The following RETREG1 variants were observed in gnomAD, a reference collection of about 807,000 sequenced individuals.
RETREG1 encodes reticulophagy regulator 1.
In RETREG1, 44 loss-of-function variants were observed where a neutral mutation model predicts 54.8. The ratio of observed to expected loss-of-function variants is 0.80; its 90% CI spans 0.63 to 1.03. RETREG1 has a LOEUF of 1.03. Among genes scored for constraint, RETREG1 ranks in the 50% least tolerant of loss-of-function variants. RETREG1 has a pLI of 0.00. For missense variants in RETREG1, 554 were observed against 605.1 expected, an observed-to-expected ratio of 0.92 and a Z score of 0.89; for synonymous variants, 217 against 238.5, an observed-to-expected ratio of 0.91 and a Z score of 0.83.
rs114689850 is a variant in RETREG1, at chr5:16,606,612, A to T, written c.320+10040T>A. Reference sequence around the variant, plus strand: ...TTAAGGTCACTACCAGGCACTCCTCATCTAGCCCATAGCCTAAGTCATCTA... The same window carrying T: ...TTAAGGTCACTACCAGGCACTCCTCTTCTAGCCCATAGCCTAAGTCATCTA... On this transcript the variant is annotated intron_variant, in intron 1 of 8. Coordinates refer to ENST00000306320, the MANE Select transcript of RETREG1 (RefSeq NM_001034850.3). Among the ~76,000 whole-genome samples the T allele has an allele frequency of 3.5e-3, 527 of 151,876 alleles. 2 individuals are homozygous for T. The highest frequency in any genetic ancestry group is 0.012 in the African/African-American group (508 of 41,334).
In RETREG1 at chr5:16,573,712, T is replaced by A. The variant is rs1337575086; in HGVS notation, c.321-1610A>T. On this transcript the variant is annotated intron_variant, in intron 1 of 8. Coordinates refer to ENST00000306320, the MANE Select transcript of RETREG1 (RefSeq NM_001034850.3). ...AAAGCAGGGAATGGTTTTTTTTTTTTAATTGGTTTTTTGGGTTTGTTTGTT... is the reference window on the plus strand; with the variant it reads ...AAAGCAGGGAATGGTTTTTTTTTTTAAATTGGTTTTTTGGGTTTGTTTGTT... 6.4e-4 allele frequency among the ~76,000 whole-genome samples: 87 copies of A among 135,604 alleles called. 1 individual carries two copies. The highest frequency in any genetic ancestry group is 3.9e-3 in the Middle Eastern group (1 of 254). The allele number at this position is 135,604 out of a possible 152,430, so 89.0% of individuals were successfully genotyped here. A position where few individuals can be genotyped will look rare whatever the true frequency, so the allele number is the denominator to read the frequency against.
At chr5:16,528,538 T>G (rs1372260718) in intron 3 of RETREG1, among the ~76,000 whole-genome samples, 1 of 152,046 alleles carries the variant, frequency 6.6e-6, no homozygotes, top group Non-Finnish European at 1.5e-5. Flanking sequence ...AAAGAAAGAT[T>G]AGGGGGCCAA....
chr5:16,526,555 G>T (rs1345221718), intron 3 of RETREG1, among the ~76,000 whole-genome samples: 1 of 152,196 alleles, frequency 6.6e-6, no homozygotes, highest in Non-Finnish European at 1.5e-5. Context: ...GTAGGGTCTG[G>T]AACTTAATAA....
chr5:16,600,531 G>A (rs1423208655), intron 1 of RETREG1, among the ~76,000 whole-genome samples: 5 of 152,200 alleles, frequency 3.3e-5, no homozygotes, highest in South Asian at 2.1e-4. Flanking sequence ...GGACCCCCAC[G>A]TGTTCATCAT....
chr5:16,477,884 A>G, intron 7 of RETREG1, 96 bp from the exon 8 acceptor site: 1 of 1,502,258 alleles, frequency 6.7e-7, no homozygotes. Context: ...ACAGAGTAAT[A>G]AAAACCAAAT....
intron 3 of RETREG1, among the ~76,000 whole-genome samples, chr5:16,518,808 T>C (rs1740440977): frequency 6.6e-6 from 1 of 152,050 alleles, no homozygotes; most frequent in Admixed American, 6.6e-5. Flanking sequence ...AGAAAGAAAA[T>C]TGAAGCAAAC....
chr5:16,508,204 C>T (rs1315289932), intron 3 of RETREG1, among the ~76,000 whole-genome samples: 1 of 152,168 alleles, frequency 6.6e-6, no homozygotes, highest in Non-Finnish European at 1.5e-5. Flanking sequence ...CTTTAAAATG[C>T]AATAGGTTTT....
chr5:16,563,837 G>A (rs1741937203), intron 3 of RETREG1, among the ~76,000 whole-genome samples: 1 of 151,906 alleles, frequency 6.6e-6, no homozygotes, highest in Non-Finnish European at 1.5e-5. Flanking sequence ...AACCTTACTT[G>A]TTGGGTTAAT....
intron 3 of RETREG1, among the ~76,000 whole-genome samples, chr5:16,491,689 C>A (rs1475245809): frequency 1.3e-5 from 2 of 152,050 alleles, no homozygotes; most frequent in African/African-American, 4.8e-5. Context: ...TTTGTTCTTT[C>A]TTGCAAATGG....
rs1296661370 is a variant in RETREG1, at chr5:16,616,918, G to T, written c.54C>A (p.Ala18=). ...GCGACGGCGGCGCCTGCTCCTCGGC[G>T]GCAGGAGCCGGGCATCCCTCCTCGG... ...EHAEEGCPAP[A]AEEQAPPSPP... The change falls in exon 1 of 9, where the codon GCC becomes GCA. Residue 18 remains alanine, a synonymous_variant. Transcript: ENST00000306320. The T allele has an allele frequency of 2.0e-6, 3 of 1,477,198 alleles. No homozygotes were observed. The highest frequency in any genetic ancestry group is 2.3e-5 in the Admixed American group (1 of 43,058). The allele number at this position is 1,477,198 out of a possible 1,614,324, so 91.5% of individuals were successfully genotyped here.
At chr5:16,573,742 G>GTTTTTTTT (rs34651832) in intron 1 of RETREG1, among the ~76,000 whole-genome samples, 14 of 126,534 alleles carry the variant, frequency 1.1e-4, no homozygotes, top group African/African-American at 2.9e-4. Flanking sequence ...TTTGTTTTTT[G>GTTTTTTTT]TTTTTTTTTT....
chr5:16,527,342 A>G (rs1193032678), intron 3 of RETREG1, among the ~76,000 whole-genome samples: 3 of 152,162 alleles, frequency 2.0e-5, no homozygotes, highest in Non-Finnish European at 4.4e-5. Flanking sequence ...TGCAATTGAA[A>G]TTTCACCTTA....
At chr5:16,502,627 C>T (rs1739762685) in intron 3 of RETREG1, among the ~76,000 whole-genome samples, 1 of 152,214 alleles carries the variant, frequency 6.6e-6, no homozygotes, top group African/African-American at 2.4e-5. Flanking sequence ...AACTAGAAGA[C>T]AGTATAACAG....
chr5:16,616,431 C>T (rs939295877), intron 1 of RETREG1: 1 of 796,582 alleles, frequency 1.3e-6, no homozygotes, highest in Non-Finnish European at 1.8e-6. Flanking sequence ...GAGGCTGGAT[C>T]CGCACACGGA....
At chr5:16,537,604 A>C (rs1422955374) in intron 3 of RETREG1, among the ~76,000 whole-genome samples, 1 of 152,226 alleles carries the variant, frequency 6.6e-6, no homozygotes, top group Non-Finnish European at 1.5e-5. Flanking sequence ...AGACTGAGGC[A>C]CAAGAATCGC....
intron 3 of RETREG1, among the ~76,000 whole-genome samples, chr5:16,541,034 C>G (rs1037809381): frequency 1.3e-5 from 2 of 152,202 alleles, no homozygotes; most frequent in Non-Finnish European, 2.9e-5. Context: ...GGTCGCTGCA[C>G]TGCCCCAGAC....
chr5:16,585,300 G>A lies in RETREG1; in HGVS notation c.321-13198C>T, dbSNP rs1168550099. On this transcript the variant is annotated intron_variant, in intron 1 of 8. Transcript: ENST00000306320. This position sits in a 1 kb window ranked among gnomAD's most constrained non-coding sequence, Gnocchi z 4.5. ...AGCAGGGAGTTTGTATTCTGTTTGC[G>A]TTCTTGTGCCTAAAGAGTAGGAGAA... Among the ~76,000 whole-genome samples the A allele has an allele frequency of 2.0e-5, 3 of 152,124 alleles. No homozygotes were observed. The highest frequency in any genetic ancestry group is 2.1e-4 in the South Asian group (1 of 4,828).
chr5:16,508,757 G>GA (rs923043381), intron 3 of RETREG1: 264 of 1,503,376 alleles, frequency 1.8e-4, no homozygotes, highest in Non-Finnish European at 2.2e-4. Context: ...TTCCTTTTTG[G>GA]AAAAAAAGTG....
At chr5:16,573,823 C>A (rs1486426936) in intron 1 of RETREG1, among the ~76,000 whole-genome samples, 5 of 143,342 alleles carry the variant, frequency 3.5e-5, no homozygotes, top group Non-Finnish European at 7.5e-5. Flanking sequence ...TGGCTCACTG[C>A]AACCTTCTCC....
Sources: gnomAD v4.1 joint callset for allele counts (sites outside exome capture counted in the v4.1 genomes callset) on GRCh38, gnomAD v4.1.1 for gene constraint, Gnocchi (gnomAD v3.1) non-coding constraint, MANE v1.5 for transcripts, NCBI Gene and HGNC (gene_info 2026-07-23, HGNC 2026-07-21) for gene names.